Variants in GBF1 observed in about 807,000 individuals in gnomAD.
GBF1 encodes the protein golgi brefeldin A resistant guanine nucleotide exchange factor 1.
In GBF1, 114 loss-of-function variants were observed where a neutral mutation model predicts 210.5. The ratio of observed to expected loss-of-function variants is 0.54; its 90% confidence interval spans 0.47 to 0.63. GBF1 has a LOEUF of 0.63. Among genes scored for constraint, GBF1 ranks in the 30% least tolerant of loss-of-function variants. The pLI is 0.00. For synonymous variants in GBF1, 850 were observed against 889.2 expected (o/e 0.96, Z 0.78); for missense variants, 1,851 against 2,357.7 (o/e 0.79, Z 4.45).
rs879239836 is a variant in GBF1 at position 102,368,769 on chromosome 10, C to T, written c.2910C>T (p.Gly970=). 5 of 1,613,244 alleles carry T rather than the reference C, an allele frequency of 3.1e-6. No individual in the cohort carries two copies. The South Asian group carries it at 3.3e-5, about 11-fold the overall frequency. Reference sequence around the variant, plus strand: ...GCGCCATGATCTCCGCCCACTATGGCCTCAGCGATGTGTTTGACAATCTCA... The same window carrying T: ...GCGCCATGATCTCCGCCCACTATGGTCTCAGCGATGTGTTTGACAATCTCA... The part of the protein sequence containing the change: ...RKCAMISAHY[G]LSDVFDNLII... The change falls in exon 23 of 40, where the codon GGC becomes GGT. Residue 970 remains glycine, a synonymous_variant. Coordinates refer to ENST00000369983, the MANE Select transcript of GBF1 (RefSeq NM_001377137.1).
At chr10:102,243,783 G>A (rs1270628606), upstream of GBF1, among the ~76,000 whole-genome samples, 2 of 152,174 alleles carry the variant, frequency 1.3e-5, no homozygotes, top group Non-Finnish European at 2.9e-5. Context: ...ATGTGCAGGT[G>A]TAGGAAGTTA....
chr10:102,357,463 G>A (rs1333800143), intron 8 of GBF1, among the ~76,000 whole-genome samples: 1 of 151,596 alleles, frequency 6.6e-6, no homozygotes, highest in Non-Finnish European at 1.5e-5. Context: ...CTCCAGCCTG[G>A]GTGGCAAAGC....
rs759381567 is a variant in GBF1, at chr10:102,358,194, C to T, written c.787+8C>T. On this transcript the variant is annotated splice_region_variant and intron_variant, in intron 9 of 39. Transcript: ENST00000369983. The stretch of plus-strand genomic sequence containing the variant: ...TATCATCTAACCTCACTGGTGAGTG[C>T]CCTGGACTACTTCCTCTGATTAGAC... The T allele has an allele frequency of 3.1e-6, 5 of 1,610,028 alleles. No homozygotes were observed. Among genetic ancestry groups the T allele is most frequent in the Non-Finnish European group, 4.2e-6 (5 of 1,176,892 alleles).
chr10:102,362,317 A>G (rs2059663407), intron 14 of GBF1, among the ~76,000 whole-genome samples, 158 bp from the exon 15 acceptor site: 1 of 152,088 alleles, frequency 6.6e-6, no homozygotes, highest in Non-Finnish European at 1.5e-5. Context: ...CGGCCTCCCA[A>G]AGTGCTGGGA....
intron 1 of GBF1, among the ~76,000 whole-genome samples, chr10:102,248,490 T>C (rs1045388845): frequency 1.3e-5 from 2 of 152,164 alleles, no homozygotes; most frequent in Non-Finnish European, 2.9e-5. Context: ...TTGCCAATCA[T>C]ATAAACCAGG....
In GBF1 at chr10:102,375,581, G is replaced by A. The variant is rs771884371; in HGVS notation, c.3883G>A (p.Ala1295Thr). The A allele has an allele frequency of 6.2e-7, 1 of 1,602,902 alleles. No homozygotes were observed. Among genetic ancestry groups the A allele is most frequent in the Non-Finnish European group, 8.5e-7 (1 of 1,170,210 alleles). Residue 1295 changes from alanine to threonine, a missense_variant, in exon 30 of 40, where the codon GCC (alanine) becomes ACC (threonine). Transcript: ENST00000369983. ...QATARADAPDAGAQSDSELPS... is the reference protein window; with the variant it reads ...QATARADAPDTGAQSDSELPS... ...CACAGCCAGGGCAGATGCACCTGAT[G>A]CCGGTAAGCCCTTTCCCAGGGAGAC...
rs765042342 is a variant in GBF1, at chr10:102,382,151, G to A, written c.5398G>A (p.Gly1800Arg). The A allele has an allele frequency of 1.6e-5, 26 of 1,612,532 alleles. No individual in the cohort carries two copies. The highest frequency in any genetic ancestry group is 2.7e-5 in the African/African-American group (2 of 74,856). Residue 1800 changes from glycine (G) to arginine (R), a missense_variant, in exon 40 of 40, where the codon GGG becomes AGG. By Grantham distance (125) the Gly-to-Arg change is moderately radical. Transcript: ENST00000369983. ...CAGCAGGCTGAGCCCCACCCCCGACGGGCCTCCACCCTTGGCTCAGCCCCC... is the reference window on the plus strand; with the variant it reads ...CAGCAGGCTGAGCCCCACCCCCGACAGGCCTCCACCCTTGGCTCAGCCCCC... Reference protein sequence around the residue: ...SPSRLSPTPDGPPPLAQPPLI... With the variant: ...SPSRLSPTPDRPPPLAQPPLI...
Position 102,374,649 on chromosome 10 carries a change from G to A in GBF1, c.3661-710G>A, listed in dbSNP as rs574148390. 3.3e-5 allele frequency among the ~76,000 whole-genome samples: 5 copies of A among 152,198 alleles called. No individual in the cohort carries two copies. The East Asian group carries it at 9.6e-4, about 29-fold the overall frequency. On this transcript the variant is annotated intron_variant, in intron 29 of 39. Coordinates refer to ENST00000369983, the MANE Select transcript of GBF1 (RefSeq NM_001377137.1). Reference sequence around the variant, plus strand: ...GGAACTGTTCAGTATGTTGTTTTGTGGTGGATACCCAAACCTACACAGGTA... The same window carrying A: ...GGAACTGTTCAGTATGTTGTTTTGTAGTGGATACCCAAACCTACACAGGTA...
Position 102,351,997 on chromosome 10 carries a change from T to C in GBF1, c.523+46T>C, listed in dbSNP as rs375082094. On this transcript the variant is annotated intron_variant, in intron 6 of 39. Coordinates refer to ENST00000369983, the MANE Select transcript of GBF1 (RefSeq NM_001377137.1). ...CCCTTCACCATTCCTGGGGCCAGTG[T>C]CTGAGTATGAATACAGGAGGCTGTC... The C allele has an allele frequency of 1.7e-5, 18 of 1,034,466 alleles. No individual in the cohort carries two copies. In the African/African-American group the frequency reaches 2.8e-4, roughly 16 times the overall value. 64.1% of individuals were successfully genotyped at this position (1,034,466 alleles called of 1,614,324 possible).
intron 3 of GBF1, among the ~76,000 whole-genome samples, chr10:102,318,678 C>T (rs932335581): frequency 1.3e-5 from 2 of 152,062 alleles, no homozygotes; most frequent in Non-Finnish European, 2.9e-5. Context: ...CCAACTTCCC[C>T]CCCTTCAAGG....
At chr10:102,335,984 A>G (rs1414153480) in intron 3 of GBF1, among the ~76,000 whole-genome samples, 1 of 152,102 alleles carries the variant, frequency 6.6e-6, no homozygotes, top group Non-Finnish European at 1.5e-5. Context: ...GAATTTTTAT[A>G]TATATATTTA....
At chr10:102,335,163 G>A (rs1289775898) in intron 3 of GBF1, among the ~76,000 whole-genome samples, 4 of 152,116 alleles carry the variant, frequency 2.6e-5, no homozygotes, top group Middle Eastern at 3.2e-3. Flanking sequence ...AATTGGATCC[G>A]GATTTGATTC....
rs980319615 is a variant in GBF1 at position 102,379,908 on chromosome 10, G to A, written c.4832G>A (p.Gly1611Asp). ...LLENISPADV[G>D]GMEETRMRAS... ...GAGAACATCAGCCCTGCAGATGTGG[G>A]TGGGATGGAGGAGACCCGGATGAGG... Residue 1611 changes from glycine to aspartate, a missense_variant, in exon 36 of 40, where the codon GGT becomes GAT. Coordinates refer to ENST00000369983, the MANE Select transcript of GBF1 (RefSeq NM_001377137.1). The A allele has an allele frequency of 1.9e-6, 3 of 1,613,702 alleles. No homozygotes were observed. The highest frequency in any genetic ancestry group is 2.7e-5 in the African/African-American group (2 of 74,908).
chr10:102,237,564 C>T, the GBF1 span, among the ~76,000 whole-genome samples: 38 of 152,182 alleles, frequency 2.5e-4, no homozygotes, highest in Non-Finnish European at 5.0e-4. Context: ...CTAAGATTCA[C>T]ACTGAGCAAC....
At chr10:102,271,945 G>T (rs1310981997) in intron 3 of GBF1, among the ~76,000 whole-genome samples, 1 of 151,594 alleles carries the variant, frequency 6.6e-6, no homozygotes, top group Non-Finnish European at 1.5e-5. Context: ...TAGAGACAGG[G>T]TCTTGCCATG....
At chr10:102,375,606 C>T in intron 30 of GBF1, 22 bp downstream of exon 30, 1 of 1,485,460 alleles carries the variant, frequency 6.7e-7, no homozygotes. Context: ...CCCAGGGAGA[C>T]TCAGGCTGGC....
Position 102,362,503 on chromosome 10 carries a change from A to G in GBF1, c.1715A>G (p.Tyr572Cys), listed in dbSNP as rs1425069052. 6 of 1,613,820 alleles carry G rather than the reference A, an allele frequency of 3.7e-6. No individual in the cohort carries two copies. The highest frequency in any genetic ancestry group is 4.5e-5 in the East Asian group (2 of 44,890). The change falls in exon 15 of 40, where the codon TAT (tyrosine) becomes TGT (cysteine). Residue 572 changes from tyrosine to cysteine, a missense_variant. This residue lies in a region of GBF1 where 804 missense variants were observed against 958.6 expected (regional missense o/e 0.84). Coordinates refer to ENST00000369983, the MANE Select transcript of GBF1 (RefSeq NM_001377137.1). ...GCCTTCCCTGTGTCTGGTCAACTCTATACAACACACCTACTATCTCTTGAT... is the reference window on the plus strand; with the variant it reads ...GCCTTCCCTGTGTCTGGTCAACTCTGTACAACACACCTACTATCTCTTGAT... ...KNAFPVSGQL[Y>C]TTHLLSLDAL...
chr10:102,277,330 G>T lies in GBF1; in HGVS notation c.163+17214G>T, dbSNP rs541380892. On this transcript the variant is annotated intron_variant, in intron 3 of 39. Coordinates refer to ENST00000369983, the MANE Select transcript of GBF1 (RefSeq NM_001377137.1). ...AGAGTTAGACCCTGTCTCAAAAAAA[G>T]AAAAGTACATAAATAAATAAATTTT... 2.5e-4 allele frequency among the ~76,000 whole-genome samples: 37 copies of T among 150,538 alleles called. No individual in the cohort carries two copies. The South Asian group carries it at 4.6e-3, about 19-fold the overall frequency.
intron 3 of GBF1, among the ~76,000 whole-genome samples, chr10:102,315,444 G>A (rs1040016007): frequency 6.6e-6 from 1 of 152,154 alleles, no homozygotes; most frequent in Non-Finnish European, 1.5e-5. Context: ...TAACACTGTA[G>A]AACATCGGTT....
Sources: allele counts gnomAD v4.1 joint callset (sites outside exome capture counted in the v4.1 genomes callset), GRCh38; gene constraint gnomAD v4.1.1; regional missense constraint gnomAD v4.1.1; transcripts MANE v1.5; gene names NCBI Gene and HGNC (gene_info 2026-07-23, HGNC 2026-07-21).